Variants in RAD50 observed in about 807,000 individuals in gnomAD.
RAD50 encodes the protein RAD50 double strand break repair protein, also known as DNA repair protein RAD50.
A neutral mutation model predicts 168.8 loss-of-function variants in RAD50; 132 were observed. The observed-to-expected ratio is 0.78, with a 90% CI of 0.68 to 0.90. The LOEUF (loss-of-function observed/expected upper bound fraction) is 0.90. Ranked by LOEUF, RAD50 falls within the 40% of genes least tolerant of loss-of-function variation. The pLI, the probability that RAD50 is intolerant of heterozygous loss-of-function variation, is 0.00. For missense variants in RAD50, 1,347 were observed against 1,534.4 expected, an observed-to-expected ratio of 0.88 and a Z score of 2.04; for synonymous variants, 525 against 497.4, an observed-to-expected ratio of 1.06 and a Z score of -0.74.
intron 9 of RAD50, among the ~76,000 whole-genome samples, chr5:132,590,192 G>A (rs1750673751): frequency 6.6e-6 from 1 of 152,158 alleles, no homozygotes; most frequent in South Asian, 2.1e-4. Flanking sequence ...TTACCAGGCC[G>A]GGTGCGGTGT....
chr5:132,562,377 A>G (rs893764553), intron 2 of RAD50, among the ~76,000 whole-genome samples: 1 of 152,160 alleles, frequency 6.6e-6, no homozygotes, highest in Non-Finnish European at 1.5e-5. Context: ...GGTGAGAAAT[A>G]TAGGTGGCTT....
rs1750922766 is a variant in RAD50 at position 132,603,394 on chromosome 5, A to G, written c.2302A>G (p.Ile768Val). 2 of 1,613,934 alleles carry G rather than the reference A, an allele frequency of 1.2e-6. No individual in the cohort carries two copies. Among genetic ancestry groups the G allele is most frequent in the Non-Finnish European group, 8.5e-7 (1 of 1,179,852 alleles). ...NRDIQRLKND[I>V]EEQETLLGTI... ...AGACATACAGCGCCTAAAGAACGAC[A>G]TAGAAGAACAAGAAACACTCTTGGG... Residue 768 changes from isoleucine to valine, a missense_variant, in exon 14 of 25, where the codon ATA becomes GTA. Coordinates refer to ENST00000378823, the MANE Select transcript of RAD50 (RefSeq NM_005732.4).
In RAD50 at chr5:132,645,736, T is replaced by C. The variant is rs1187781085; in HGVS notation, c.*3372T>C. 2 of 152,122 alleles carry C rather than the reference T, an allele frequency of 1.3e-5. No homozygotes were observed. The highest frequency in any genetic ancestry group is 2.1e-4 in the South Asian group (1 of 4,810). 9.4% of individuals were successfully genotyped at this position (152,122 alleles called of 1,614,324 possible). On this transcript the variant is annotated 3_prime_UTR_variant, in exon 25 of 25. Coordinates refer to ENST00000378823, the MANE Select transcript of RAD50 (RefSeq NM_005732.4). ...AGACTCTGGGGAGTTTGGCAAAATA[T>C]ATACCTCAGAATTATCCCACCTAAG... is the stretch of plus-strand genomic sequence containing the variant.
intron 10 of RAD50, 128 bp downstream of exon 10, chr5:132,591,534 G>T: frequency 1.1e-6 from 1 of 906,466 alleles, no homozygotes; most frequent in South Asian, 1.5e-5. Flanking sequence ...AGTGAGCTTA[G>T]TACTCTATAT....
chr5:132,632,911 T>C (rs552604877), intron 21 of RAD50, among the ~76,000 whole-genome samples: 1 of 152,302 alleles, frequency 6.6e-6, no homozygotes, highest in African/African-American at 2.4e-5. Context: ...TGTCTTTTTG[T>C]ATGTTGTCTA....
intron 2 of RAD50, among the ~76,000 whole-genome samples, chr5:132,566,298 G>C (rs1049132091): frequency 2.0e-5 from 3 of 152,214 alleles, no homozygotes; most frequent in African/African-American, 7.2e-5. Flanking sequence ...TGGAGAAAGA[G>C]TATGTGTATT....
intron 2 of RAD50, among the ~76,000 whole-genome samples, chr5:132,570,186 A>G (rs993726710): frequency 1.3e-5 from 2 of 152,214 alleles, no homozygotes; most frequent in Admixed American, 6.5e-5. Flanking sequence ...TGAGGAAGGC[A>G]TCCACAAAAA....
chr5:132,619,783 CCT>C (rs550575815), intron 21 of RAD50, among the ~76,000 whole-genome samples: 1,959 of 125,618 alleles, frequency 0.016, 44 homozygotes, highest in African/African-American at 0.04. Flanking sequence ...CTTCCCTACT[CCT>C]CTCTCTCTCT....
intron 21 of RAD50, among the ~76,000 whole-genome samples, chr5:132,619,806 CT>C: frequency 1.4e-5 from 2 of 140,850 alleles, no homozygotes; most frequent in African/African-American, 2.8e-5. Flanking sequence ...CTCTCTCTCT[CT>C]CTCTACTCCT....
chr5:132,590,116 A>G (rs1368000522), intron 9 of RAD50, among the ~76,000 whole-genome samples: 2 of 152,232 alleles, frequency 1.3e-5, no homozygotes, highest in Admixed American at 1.3e-4. Context: ...AGAATGGGGC[A>G]TAGAAATGTA....
intron 5 of RAD50, among the ~76,000 whole-genome samples, chr5:132,583,457 G>A (rs1750540122): frequency 6.6e-6 from 1 of 151,954 alleles, no homozygotes; most frequent in South Asian, 2.1e-4. Flanking sequence ...GCATACAGTA[G>A]CATAACCATC....
At chr5:132,636,280 G>T (rs770031134) in intron 21 of RAD50, among the ~76,000 whole-genome samples, 1 of 152,126 alleles carries the variant, frequency 6.6e-6, no homozygotes, top group Non-Finnish European at 1.5e-5. Flanking sequence ...GTTTTGACAG[G>T]CTACTTTTGC....
At chr5:132,594,419 G>T (rs1420568099) in intron 11 of RAD50, among the ~76,000 whole-genome samples, 1 of 152,168 alleles carries the variant, frequency 6.6e-6, no homozygotes, top group African/African-American at 2.4e-5. Context: ...GGGAATGACT[G>T]ATCTGGACGC....
chr5:132,581,367 GCCTC>G (rs1415948044), intron 5 of RAD50, among the ~76,000 whole-genome samples: 3 of 152,114 alleles, frequency 2.0e-5, no homozygotes, highest in Non-Finnish European at 4.4e-5. Flanking sequence ...TGATCTGCCC[GCCTC>G]GGCCTCCCAA....
chr5:132,567,142 C>T (rs917907699), intron 2 of RAD50, among the ~76,000 whole-genome samples: 1 of 151,362 alleles, frequency 6.6e-6, no homozygotes, highest in Admixed American at 6.6e-5. Context: ...AAATTCATGC[C>T]AAGAAGTCAT....
chr5:132,644,612 CTTCA>C lies in RAD50; in HGVS notation c.*2251_*2254del, dbSNP rs1426964583. The C allele has an allele frequency of 5.5e-6, 1 of 180,530 alleles. No individual in the cohort carries two copies. Among genetic ancestry groups the C allele is most frequent in the Admixed American group, 6.3e-5 (1 of 15,920 alleles). 11.2% of individuals were successfully genotyped at this position (180,530 alleles called of 1,614,324 possible). On this transcript the variant is annotated 3_prime_UTR_variant, in exon 25 of 25. Transcript: ENST00000378823. ...GTGTAAGTGTTCAAGAAAAAGCTGT[CTTCA>C]TTTCACTCTTGTTGCAGTTATCTTT...
chr5:132,645,058 A>G lies in RAD50; in HGVS notation c.*2694A>G, dbSNP rs1205741354. 6.6e-6 allele frequency: 1 copy of G among 152,152 alleles called. No homozygotes were observed. The highest frequency in any genetic ancestry group is 1.5e-5 in the Non-Finnish European group (1 of 68,040). The allele number at this position is 152,152 out of a possible 1,614,324, so 9.4% of individuals were successfully genotyped here. On this transcript the variant is annotated 3_prime_UTR_variant, in exon 25 of 25. Coordinates refer to ENST00000378823, the MANE Select transcript of RAD50 (RefSeq NM_005732.4). Reference sequence around the variant, plus strand: ...GCCCCTTTTTGTTTCCTCCAGTGAGAAGATACTCAGTTCTATGGTCTTATT... The same window carrying G: ...GCCCCTTTTTGTTTCCTCCAGTGAGGAGATACTCAGTTCTATGGTCTTATT...
intron 11 of RAD50, among the ~76,000 whole-genome samples, chr5:132,593,902 G>A (rs2897443): frequency 6.6e-6 from 1 of 152,006 alleles, no homozygotes; most frequent in Non-Finnish European, 1.5e-5. Context: ...GAACCAGGGT[G>A]AGAGCCAGAT....
In RAD50 at chr5:132,616,167, T is replaced by C. The variant is rs774028327; in HGVS notation, c.3164+37T>C. ...AAATAATCTTCAGTTTAAATAAACG[T>C]CTTTATTACTGGAATGTGAAGAATA... On this transcript the variant is annotated intron_variant, in intron 20 of 24. Transcript: ENST00000378823. 5.7e-6 allele frequency: 9 copies of C among 1,585,836 alleles called. No individual in the cohort carries two copies. In the Admixed American group the frequency reaches 1.5e-4, roughly 27 times the overall value.
Sources: allele counts gnomAD v4.1 joint callset (sites outside exome capture counted in the v4.1 genomes callset), GRCh38; gene constraint gnomAD v4.1.1; transcripts MANE v1.5; gene names NCBI Gene and HGNC (gene_info 2026-07-23, HGNC 2026-07-21).